The following PCDHGB1 variants were observed in gnomAD, a reference collection of about 807,000 sequenced individuals.
PCDHGB1 encodes protocadherin gamma subfamily B, 1, also known as protocadherin gamma-B1.
A neutral mutation model predicts 56.6 loss-of-function variants in PCDHGB1; 34 were observed. The observed-to-expected ratio is 0.60, with a 90% CI of 0.46 to 0.80. The LOEUF is 0.80. Ranked by LOEUF, PCDHGB1 falls within the 30% of genes least tolerant of loss-of-function variation. PCDHGB1 has a pLI of 0.00. For synonymous variants in PCDHGB1, 561 were observed against 505.9 expected (o/e 1.11, Z -1.46); for missense variants, 1,278 against 1,204.6 (o/e 1.06, Z -0.90).
At position 141,477,493 on chromosome 5, in the gene PCDHGB1, A is replaced by G. The variant is rs2154575835; in HGVS notation, c.2410-17314A>G. ...ATGACAACCCTCCACAATCTTCTCA[A>G]TCTTCCTACGACGTTTACATTGAAG... On this transcript the variant is annotated intron_variant, in intron 1 of 3. Transcript: ENST00000523390. This position sits in a 1 kb window ranked among gnomAD's most constrained non-coding sequence, Gnocchi z 4.9. 6.2e-7 allele frequency: 1 copy of G among 1,613,976 alleles called. No individual in the cohort carries two copies. The highest frequency in any genetic ancestry group is 1.6e-4 in the Middle Eastern group (1 of 6,062).
chr5:141,508,829 C>G (rs370074494), intron 3 of PCDHGB1, among the ~76,000 whole-genome samples: 10 of 152,240 alleles, frequency 6.6e-5, no homozygotes, highest in Middle Eastern at 3.4e-3. Context: ...TCTGGGCCCC[C>G]CTCCCCTACC....
intron 1 of PCDHGB1, among the ~76,000 whole-genome samples, chr5:141,459,789 G>A (rs960868607): frequency 6.6e-6 from 1 of 152,206 alleles, no homozygotes; most frequent in Non-Finnish European, 1.5e-5. Context: ...AGTTTCAACT[G>A]TTTTTCCCTG....
At chr5:141,362,395 C>T (rs1314760212) in intron 1 of PCDHGB1, 1 of 1,614,040 alleles carries the variant, frequency 6.2e-7, no homozygotes, top group Admixed American at 1.7e-5. Context: ...TTCCTACAAC[C>T]TGTGTGTTGC....
chr5:141,425,530 A>G (rs1485711838), intron 1 of PCDHGB1, among the ~76,000 whole-genome samples: 1 of 152,246 alleles, frequency 6.6e-6, no homozygotes, highest in Non-Finnish European at 1.5e-5. Flanking sequence ...ACATGAAACA[A>G]TAATCCTTTT....
chr5:141,482,530 CAAAAA>C (rs3074545), intron 1 of PCDHGB1, among the ~76,000 whole-genome samples: 1 of 76,558 alleles, frequency 1.3e-5, no homozygotes, highest in African/African-American at 4.8e-5. Context: ...GACAGACATG[CAAAAA>C]AAAAAAAAAA....
chr5:141,400,453 C>T (rs1329103788), intron 1 of PCDHGB1: 1 of 1,614,056 alleles, frequency 6.2e-7, no homozygotes, highest in Admixed American at 1.7e-5. Context: ...ACAAGACATA[C>T]TTTGTGGTGA....
In PCDHGB1 at chr5:141,351,598, T is replaced by C; in HGVS notation, c.1338T>C (p.Pro446=). The stretch of plus-strand genomic sequence containing the variant: ...TCTCCGACATCAACGACAATGCACC[T>C]GTTTTCCATCAGGCCTCCTATGTGG... ...LHISDINDNA[P]VFHQASYVVH... is the part of the protein sequence containing the mutation. Residue 446 remains proline (P), a synonymous_variant, in exon 1 of 4, where the codon CCT becomes CCC. Transcript: ENST00000523390. The C allele has an allele frequency of 6.2e-7, 1 of 1,614,046 alleles. No homozygotes were observed.
At chr5:141,508,806 C>T (rs1243735850) in intron 3 of PCDHGB1, among the ~76,000 whole-genome samples, 1 of 152,066 alleles carries the variant, frequency 6.6e-6, no homozygotes, top group African/African-American at 2.4e-5. Flanking sequence ...AATCCTGGCT[C>T]TTTGAAGCCA....
rs774172640 is a variant in PCDHGB1 at position 141,350,450 on chromosome 5, C to G, written c.190C>G (p.Leu64Val). 5 of 1,611,784 alleles carry G rather than the reference C, an allele frequency of 3.1e-6. No homozygotes were observed. The Admixed American group carries it at 5.0e-5, about 16-fold the overall frequency. ...LSVRELPTRK[L>V]RVSAEDYFNV... is the part of the protein sequence containing the mutation. ...TGTCCGGGAGTTGCCAACTCGAAAA[C>G]TGCGGGTTAGTGCAGAGGATTATTT... is the stretch of plus-strand genomic sequence containing the variant. Residue 64 changes from leucine (L) to valine (V), a missense_variant, in exon 1 of 4, where the codon CTG becomes GTG. Physicochemically the swap from Leu to Val is conservative, Grantham distance 32. Transcript: ENST00000523390.
At chr5:141,388,360 A>C in intron 1 of PCDHGB1, 1 of 1,613,996 alleles carries the variant, frequency 6.2e-7, no homozygotes, top group South Asian at 1.1e-5. Context: ...TCTGCCCATG[A>C]TGCGGATATT....
intron 1 of PCDHGB1, chr5:141,375,494 A>G (rs531964516): frequency 6.2e-7 from 1 of 1,613,834 alleles, no homozygotes; most frequent in Non-Finnish European, 8.5e-7. Flanking sequence ...GGGTGCCTCC[A>G]TCTTCTCTGT....
chr5:141,381,826 C>CTTTTTTTTTTT (rs770630741), intron 1 of PCDHGB1, among the ~76,000 whole-genome samples: 13 of 74,276 alleles, frequency 1.8e-4, no homozygotes, highest in South Asian at 5.1e-4. Flanking sequence ...CTTTCTTCTT[C>CTTTTTTTTTTT]TTTTTTTTTT....
intron 1 of PCDHGB1, chr5:141,357,337 G>C: frequency 1.2e-6 from 2 of 1,614,118 alleles, no homozygotes; most frequent in South Asian, 1.1e-5. Flanking sequence ...GGTGCTGCTA[G>C]CACTCAAGCT....
intron 1 of PCDHGB1, chr5:141,484,858 T>A: frequency 4.1e-6 from 1 of 245,806 alleles, no homozygotes; most frequent in Non-Finnish European, 7.8e-6. Context: ...TTTTGGGGGG[T>A]GGGGGAGCGT....
At position 141,489,590 on chromosome 5, in the gene PCDHGB1, T is replaced by C; in HGVS notation, c.2410-5217T>C. The C allele has an allele frequency of 6.2e-7, 1 of 1,614,044 alleles. No homozygotes were observed. Among genetic ancestry groups the C allele is most frequent in the Non-Finnish European group, 8.5e-7 (1 of 1,179,984 alleles). ...GTGACTGAACACCCCCTGGAGCTAA[T>C]CCGTGTAGAGGTAGAGATCCTGGAT... On this transcript the variant is annotated intron_variant, in intron 1 of 3. Transcript: ENST00000523390. The surrounding 1 kb of genome is among the most constrained non-coding windows in gnomAD (Gnocchi z 4.5).
intron 2 of PCDHGB1, among the ~76,000 whole-genome samples, chr5:141,496,410 A>G (rs77823969): frequency 0.019 from 2,839 of 152,308 alleles, 40 homozygotes; most frequent in Middle Eastern, 0.082. Context: ...ATGGTTGAGT[A>G]CTTGCTGTCC....
At chr5:141,368,558 T>C (rs2149928409) in intron 1 of PCDHGB1, among the ~76,000 whole-genome samples, 1 of 152,140 alleles carries the variant, frequency 6.6e-6, no homozygotes, top group East Asian at 1.9e-4. Context: ...TAAAAGAAAA[T>C]GTTATATGCT....
intron 1 of PCDHGB1, among the ~76,000 whole-genome samples, chr5:141,470,504 G>A (rs914828244): frequency 6.6e-6 from 1 of 152,114 alleles, no homozygotes; most frequent in Admixed American, 6.6e-5. Flanking sequence ...TAGGTAATTA[G>A]ACAGTTAGCT....
intron 1 of PCDHGB1, chr5:141,415,794 A>G: frequency 1.5e-6 from 2 of 1,366,408 alleles, no homozygotes; most frequent in Non-Finnish European, 1.9e-6. Context: ...AAATTCACCT[A>G]GTCTCAATCA....
Sources: allele counts gnomAD v4.1 joint callset (sites outside exome capture counted in the v4.1 genomes callset), GRCh38; gene constraint gnomAD v4.1.1; non-coding constraint Gnocchi (gnomAD v3.1); transcripts MANE v1.5; gene names NCBI Gene and HGNC (gene_info 2026-07-23, HGNC 2026-07-21).